Variants in SIK3 observed in about 807,000 individuals in gnomAD.
The protein encoded by SIK3 is serine/threonine-protein kinase SIK3.
A neutral mutation model predicts 144.2 loss-of-function variants in SIK3; 28 were observed. The ratio of observed to expected loss-of-function variants is 0.19; its 90% CI spans 0.14 to 0.27. The LOEUF is 0.27. Among genes scored for constraint, SIK3 ranks in the 10% least tolerant of loss-of-function variants. The probability of loss-of-function intolerance (pLI) is 1.00; values close to 1 mark genes in which losing one functional copy is unlikely to be tolerated. For missense variants in SIK3, 1,319 were observed against 1,776.0 expected, an observed-to-expected ratio of 0.74 and a Z score of 4.62; for synonymous variants, 686 against 676.3, an observed-to-expected ratio of 1.01 and a Z score of -0.22.
At chr11:117,021,344 GGTCAGCCACT>G (rs1951753915) in intron 1 of SIK3, among the ~76,000 whole-genome samples, 1 of 152,130 alleles carries the variant, frequency 6.6e-6, no homozygotes, top group East Asian at 1.9e-4. Flanking sequence ...GCTTATCAAA[GGTCAGCCACT>G]TAGTACAAAT....
intron 1 of SIK3, among the ~76,000 whole-genome samples, chr11:117,086,518 G>A (rs185233411): frequency 3.9e-5 from 6 of 152,040 alleles, no homozygotes; most frequent in East Asian, 1.9e-4. Flanking sequence ...GTGAAACCCC[G>A]TCTCTACTAA....
At chr11:117,034,198 A>T (rs1409742000) in intron 1 of SIK3, among the ~76,000 whole-genome samples, 1 of 152,240 alleles carries the variant, frequency 6.6e-6, no homozygotes, top group East Asian at 1.9e-4. Flanking sequence ...ACTAGTATAC[A>T]TTCCAGAGGA....
chr11:116,905,870 A>G (rs1355401359), intron 4 of SIK3, among the ~76,000 whole-genome samples: 1 of 152,210 alleles, frequency 6.6e-6, no homozygotes, highest in Non-Finnish European at 1.5e-5. Flanking sequence ...ATCTCTTATT[A>G]GATATATGAT....
intron 1 of SIK3, among the ~76,000 whole-genome samples, chr11:116,985,895 C>A (rs1950309901): frequency 6.6e-6 from 1 of 152,184 alleles, no homozygotes; most frequent in Non-Finnish European, 1.5e-5. Context: ...CTGACATGAA[C>A]CTCAATCCAG....
intron 1 of SIK3, among the ~76,000 whole-genome samples, chr11:116,965,539 T>C (rs1030373204): frequency 1.3e-5 from 2 of 151,256 alleles, no homozygotes; most frequent in Non-Finnish European, 2.9e-5. Context: ...TAGAATGGGA[T>C]TGATGGCTTA....
intron 4 of SIK3, among the ~76,000 whole-genome samples, chr11:116,909,640 C>T (rs73590485): frequency 0.013 from 1,992 of 152,312 alleles, 55 homozygotes; most frequent in African/African-American, 0.045. Flanking sequence ...GCTCTGGGAT[C>T]TAAGCTCCAC....
intron 1 of SIK3, chr11:117,036,165 T>C: frequency 2.1e-6 from 1 of 470,284 alleles, no homozygotes; most frequent in East Asian, 3.3e-5. Context: ...AAGCAATCCT[T>C]TCATCTCAGC....
chr11:117,029,616 A>C (rs1439951954), intron 1 of SIK3, among the ~76,000 whole-genome samples: 1 of 152,148 alleles, frequency 6.6e-6, no homozygotes, highest in East Asian at 1.9e-4. Context: ...GGGAGGTAAC[A>C]AATTAGAGAG....
intron 1 of SIK3, among the ~76,000 whole-genome samples, chr11:116,967,016 AAAAAG>A (rs1236750760): frequency 4.1e-5 from 5 of 120,746 alleles, no homozygotes; most frequent in East Asian, 2.5e-4. Context: ...AAAAAAAAAG[AAAAAG>A]AAAAAGAAAA....
chr11:116,946,331 G>T (rs913492728), intron 3 of SIK3, among the ~76,000 whole-genome samples: 16 of 152,048 alleles, frequency 1.1e-4, no homozygotes, highest in African/African-American at 3.4e-4. Context: ...GCAGAAGATA[G>T]GAAACCCCTC....
intron 4 of SIK3, among the ~76,000 whole-genome samples, chr11:116,915,156 G>GTGTGTGTGTGTGTA (rs1555093387): frequency 1.3e-5 from 2 of 148,202 alleles, no homozygotes; most frequent in East Asian, 4.1e-4. Context: ...GTGTGTGTGT[G>GTGTGTGTGTGTGTA]TGTGTATGTG....
intron 22 of SIK3, among the ~76,000 whole-genome samples, chr11:116,847,819 TG>T (rs1441929736): frequency 1.3e-5 from 2 of 151,988 alleles, no homozygotes; most frequent in African/African-American, 4.8e-5. Flanking sequence ...GGGCTGAGGG[TG>T]GGGCGGATGT....
chr11:116,960,394 T>C (rs1949297897), intron 1 of SIK3, among the ~76,000 whole-genome samples: 1 of 152,060 alleles, frequency 6.6e-6, no homozygotes, highest in Admixed American at 6.6e-5. Flanking sequence ...GGTGTGGTAG[T>C]GTGTGCCTGT....
chr11:117,067,223 A>G (rs556537842), intron 1 of SIK3, among the ~76,000 whole-genome samples: 16 of 152,244 alleles, frequency 1.1e-4, no homozygotes, highest in Admixed American at 8.5e-4. Context: ...GCAAAGCTGT[A>G]CATGAAGTTC....
At chr11:116,975,665 T>C (rs1368263904) in intron 1 of SIK3, among the ~76,000 whole-genome samples, 1 of 152,250 alleles carries the variant, frequency 6.6e-6, no homozygotes. Context: ...AATGCTGCCA[T>C]GAACATTCAT....
At chr11:116,982,969 A>AAAAAAG in intron 1 of SIK3, among the ~76,000 whole-genome samples, 1 of 142,386 alleles carries the variant, frequency 7.0e-6, no homozygotes, top group Non-Finnish European at 1.5e-5. Flanking sequence ...AAAAAAAAAA[A>AAAAAAG]TTTCTGACCC....
At position 116,846,280 on chromosome 11, in the gene SIK3, G is replaced by A. The variant is rs371951697; in HGVS notation, c.*13+103C>T. On this transcript the variant is annotated intron_variant, in intron 24 of 24. Coordinates refer to ENST00000445177, the MANE Select transcript of SIK3 (RefSeq NM_001366686.3). The surrounding 1 kb of genome is among the most constrained non-coding windows in gnomAD (Gnocchi z 4.1). ...CCACGAGGGGAGGCGTGGTACTGTC[G>A]ACTGCACTGGCCACCACAACACATG... The A allele has an allele frequency of 5.8e-6, 7 of 1,209,848 alleles. 1 individual carries two copies. The highest frequency in any genetic ancestry group is 4.3e-5 in the South Asian group (3 of 69,228). 74.9% of individuals were successfully genotyped at this position (1,209,848 alleles called of 1,614,324 possible).
chr11:116,900,865 AT>A (rs111403613), intron 4 of SIK3, among the ~76,000 whole-genome samples: 3,469 of 145,490 alleles, frequency 0.024, 94 homozygotes, highest in African/African-American at 0.078. Context: ...TATATTATTT[AT>A]TTTTTTTTTT....
chr11:117,056,433 G>A (rs965155122), intron 1 of SIK3, among the ~76,000 whole-genome samples: 7 of 152,052 alleles, frequency 4.6e-5, no homozygotes, highest in Non-Finnish European at 8.8e-5. Flanking sequence ...TAAATGATGA[G>A]TTAATGAGTG....
Sources: allele counts gnomAD v4.1 joint callset (sites outside exome capture counted in the v4.1 genomes callset), GRCh38; gene constraint gnomAD v4.1.1; non-coding constraint Gnocchi (gnomAD v3.1); transcripts MANE v1.5; gene names NCBI Gene and HGNC (gene_info 2026-07-23, HGNC 2026-07-21).